The following ACTR3C variants were observed in gnomAD, a reference collection of about 807,000 sequenced individuals.
ACTR3C encodes actin related protein 3C.
ACTR3C carries 18 observed loss-of-function variants against 26.3 expected under a neutral mutation model. That is an observed-to-expected ratio of 0.68 (90% confidence interval 0.47 to 1.01). The LOEUF (loss-of-function observed/expected upper bound fraction) is 1.01, where lower values mean the gene tolerates loss of function less well. Ranked by LOEUF, ACTR3C falls within the 50% of genes least tolerant of loss-of-function variation. ACTR3C has a pLI of 0.00. For synonymous variants in ACTR3C, 55 were observed against 94.5 expected (o/e 0.58, Z 2.42); for missense variants, 184 against 250.7 (o/e 0.73, Z 1.80).
chr7:150,253,866 C>A (rs1211630226), intron 6 of ACTR3C, among the ~76,000 whole-genome samples: 1 of 151,564 alleles, frequency 6.6e-6, no homozygotes, highest in African/African-American at 2.4e-5. Context: ...TATAATGTAC[C>A]CTGACTTGCT....
chr7:149,954,004 C>A, the ACTR3C span, among the ~76,000 whole-genome samples: 1 of 140,612 alleles, frequency 7.1e-6, no homozygotes, highest in East Asian at 2.0e-4. Context: ...TCTGATGCTA[C>A]CATGCCGAGA....
intron 6 of ACTR3C, among the ~76,000 whole-genome samples, chr7:150,271,075 T>C (rs146082424): frequency 4.4e-4 from 63 of 142,742 alleles, no homozygotes; most frequent in South Asian, 1.2e-3. Flanking sequence ...AACCCTGCCC[T>C]TGAGGGCCAA....
At chr7:150,285,508 G>T (rs1835705687) in intron 5 of ACTR3C, among the ~76,000 whole-genome samples, 1 of 152,172 alleles carries the variant, frequency 6.6e-6, no homozygotes, top group Admixed American at 6.5e-5. Flanking sequence ...ATATTCAGTT[G>T]CTCACCAGCT....
At chr7:150,059,492 C>A in the ACTR3C span, among the ~76,000 whole-genome samples, 19 of 151,972 alleles carry the variant, frequency 1.3e-4, no homozygotes, top group Admixed American at 1.2e-3. Context: ...TCGAAGGCCT[C>A]TTAAATATGT....
the ACTR3C span, among the ~76,000 whole-genome samples, chr7:149,896,476 A>G: frequency 6.6e-6 from 1 of 152,316 alleles, no homozygotes; most frequent in African/African-American, 2.4e-5. Context: ...ATAGTACTCA[A>G]TAAACAATAT....
intron 1 of ACTR3C, among the ~76,000 whole-genome samples, chr7:150,301,605 A>G (rs1274654455): frequency 3.9e-5 from 6 of 152,166 alleles, no homozygotes; most frequent in Non-Finnish European, 7.3e-5. Flanking sequence ...AAATATAACA[A>G]CAAAAGAAGC....
the ACTR3C span, among the ~76,000 whole-genome samples, chr7:149,887,812 C>T: frequency 6.6e-6 from 1 of 152,162 alleles, no homozygotes; most frequent in East Asian, 1.9e-4. Context: ...ATCATGGGGG[C>T]TGGTCTTTCC....
the ACTR3C span, among the ~76,000 whole-genome samples, chr7:150,056,072 G>A: frequency 1.3e-5 from 2 of 152,040 alleles, no homozygotes; most frequent in Admixed American, 6.6e-5. Flanking sequence ...TGTACAAATG[G>A]AAATATCTAC....
At chr7:150,178,622 T>G in the ACTR3C span, among the ~76,000 whole-genome samples, 1 of 150,534 alleles carries the variant, frequency 6.6e-6, no homozygotes, top group African/African-American at 2.5e-5. Context: ...CCCATACACA[T>G]GTAGTTACCA....
At chr7:150,246,929 G>C (rs1257407511), downstream of ACTR3C, 1 of 152,156 alleles carries the variant, frequency 6.6e-6, no homozygotes, top group East Asian at 1.9e-4. Flanking sequence ...AGTAGCTGGG[G>C]TTACAGGTAT....
chr7:150,055,164 G>A, the ACTR3C span, among the ~76,000 whole-genome samples: 1 of 152,238 alleles, frequency 6.6e-6, no homozygotes, highest in South Asian at 2.1e-4. Flanking sequence ...AACAGTGAAA[G>A]CATCATTCAG....
At chr7:149,979,379 T>A in the ACTR3C span, among the ~76,000 whole-genome samples, 1 of 152,208 alleles carries the variant, frequency 6.6e-6, no homozygotes, top group Non-Finnish European at 1.5e-5. Context: ...AAGAATGGCA[T>A]CTGTGCTACT....
At chr7:150,225,199 G>A in the ACTR3C span, among the ~76,000 whole-genome samples, 43 of 152,152 alleles carry the variant, frequency 2.8e-4, no homozygotes, top group African/African-American at 9.2e-4. Context: ...ACTAATATCT[G>A]GGCATTACTA....
the ACTR3C span, among the ~76,000 whole-genome samples, chr7:149,965,826 G>A: frequency 7.2e-5 from 11 of 152,076 alleles, no homozygotes; most frequent in Non-Finnish European, 4.4e-5. Context: ...CCTACTTAAT[G>A]CCTTTGAACA....
chr7:150,276,331 C>T (rs917785731), intron 6 of ACTR3C, among the ~76,000 whole-genome samples: 1 of 152,138 alleles, frequency 6.6e-6, no homozygotes, highest in African/African-American at 2.4e-5. Context: ...GGTAAAGAAC[C>T]GCTCATAGAC....
the ACTR3C span, among the ~76,000 whole-genome samples, chr7:150,144,193 C>T: frequency 6.6e-6 from 1 of 152,004 alleles, no homozygotes; most frequent in African/African-American, 2.4e-5. The surrounding 1 kb of genome is among the most constrained non-coding windows in gnomAD (Gnocchi z 4.6). Context: ...CAGCAATGCA[C>T]GAGGCCCTCA....
chr7:150,018,903 C>T, the ACTR3C span, among the ~76,000 whole-genome samples: 1 of 118,648 alleles, frequency 8.4e-6, no homozygotes, highest in Non-Finnish European at 1.9e-5. Context: ...TTTAGCAATG[C>T]CTTAAAATGG....
the ACTR3C span, among the ~76,000 whole-genome samples, chr7:149,999,268 C>T: frequency 5.3e-5 from 8 of 151,006 alleles, 1 homozygote; most frequent in African/African-American, 1.9e-4. Context: ...TTAGCAAAAT[C>T]ATCTGGAGTA....
chr7:150,156,347 T>A, the ACTR3C span, among the ~76,000 whole-genome samples: 1 of 152,134 alleles, frequency 6.6e-6, no homozygotes, highest in Non-Finnish European at 1.5e-5. Context: ...ATCTTGAATA[T>A]GATAGACACA....
Sources: gnomAD v4.1 joint callset for allele counts (sites outside exome capture counted in the v4.1 genomes callset) on GRCh38, gnomAD v4.1.1 for gene constraint, Gnocchi (gnomAD v3.1) non-coding constraint, MANE v1.5 for transcripts, NCBI Gene and HGNC (gene_info 2026-07-23, HGNC 2026-07-21) for gene names.